The following FHIT variants were observed in gnomAD, a reference collection of about 807,000 sequenced individuals.
FHIT encodes fragile histidine triad diadenosine triphosphatase.
A neutral mutation model predicts 17.9 loss-of-function variants in FHIT; 19 were observed. That is an observed-to-expected ratio of 1.06 (90% CI 0.74 to 1.56). FHIT has a LOEUF of 1.56. FHIT is among the 40% of genes most tolerant of loss of function. The pLI is 0.00. For missense variants in FHIT, 248 were observed against 189.2 expected, an observed-to-expected ratio of 1.31 and a Z score of -1.82; for synonymous variants, 81 against 69.7, an observed-to-expected ratio of 1.16 and a Z score of -0.81.
chr3:60,636,445 T>TA (rs782238379), intron 4 of FHIT, among the ~76,000 whole-genome samples: 17 of 143,006 alleles, frequency 1.2e-4, no homozygotes, highest in African/African-American at 4.0e-4. Context: ...GTCCTACAGT[T>TA]AAAAAACAGT....
chr3:60,562,970 T>C (rs1302944876), intron 4 of FHIT, among the ~76,000 whole-genome samples: 1 of 152,196 alleles, frequency 6.6e-6, no homozygotes, highest in Admixed American at 6.5e-5. Flanking sequence ...CAGGCTGAAT[T>C]ATGAGTGAAA....
At chr3:60,490,994 G>C (rs146967647) in intron 5 of FHIT, among the ~76,000 whole-genome samples, 2 of 152,220 alleles carry the variant, frequency 1.3e-5, no homozygotes, top group Non-Finnish European at 2.9e-5. Flanking sequence ...ATAAAAGTAT[G>C]ATATGCTGAG....
chr3:59,939,940 C>A (rs556807444), intron 7 of FHIT, among the ~76,000 whole-genome samples: 56 of 152,256 alleles, frequency 3.7e-4, no homozygotes, highest in African/African-American at 1.2e-3. Flanking sequence ...GATTTCACAG[C>A]AAGCATAGCT....
chr3:60,168,727 C>T (rs575399102), intron 5 of FHIT, among the ~76,000 whole-genome samples: 26 of 152,128 alleles, frequency 1.7e-4, no homozygotes, highest in Non-Finnish European at 2.9e-4. Context: ...TCATGTCAGG[C>T]GATGGTATAT....
chr3:61,194,548 C>T (rs1361085147), intron 2 of FHIT, among the ~76,000 whole-genome samples: 1 of 152,084 alleles, frequency 6.6e-6, no homozygotes, highest in Non-Finnish European at 1.5e-5. Flanking sequence ...CAAAACATTC[C>T]AATAAAAGGC....
intron 8 of FHIT, among the ~76,000 whole-genome samples, chr3:59,874,672 TTTTTCA>T (rs1703073022): frequency 3.0e-5 from 1 of 32,892 alleles, no homozygotes; most frequent in Non-Finnish European, 8.0e-5. Flanking sequence ...AGGTTTTGTG[TTTTTCA>T]TTTTTTTTTT....
chr3:60,171,500 G>C (rs996710645), intron 5 of FHIT, among the ~76,000 whole-genome samples: 6 of 152,276 alleles, frequency 3.9e-5, no homozygotes, highest in Admixed American at 3.9e-4. Context: ...CCAACTGGAT[G>C]CTGAATTGCT....
At chr3:60,007,584 C>G (rs1699974107) in intron 7 of FHIT, among the ~76,000 whole-genome samples, 1 of 152,182 alleles carries the variant, frequency 6.6e-6, no homozygotes, top group South Asian at 2.1e-4. Context: ...GTTCATGGCT[C>G]AGACCCCTGT....
chr3:60,462,246 C>A (rs1485620444), intron 5 of FHIT, among the ~76,000 whole-genome samples: 1 of 152,194 alleles, frequency 6.6e-6, no homozygotes, highest in Non-Finnish European at 1.5e-5. Context: ...AATATCAACT[C>A]ATTTACTCTC....
chr3:61,179,650 G>T (rs1255467766), intron 2 of FHIT, among the ~76,000 whole-genome samples: 8 of 138,834 alleles, frequency 5.8e-5, no homozygotes, highest in Admixed American at 4.7e-4. Flanking sequence ...CAAGGCTGCT[G>T]TGAGCTATAA....
At chr3:61,180,645 G>A (rs2038310095) in intron 2 of FHIT, among the ~76,000 whole-genome samples, 1 of 152,198 alleles carries the variant, frequency 6.6e-6, no homozygotes, top group South Asian at 2.1e-4. Context: ...GCAGCTGTCT[G>A]AATAAAACTG....
At chr3:61,051,794 A>T (rs1336036867) in intron 2 of FHIT, among the ~76,000 whole-genome samples, 1 of 152,182 alleles carries the variant, frequency 6.6e-6, no homozygotes, top group Non-Finnish European at 1.5e-5. Flanking sequence ...AACTCTATCA[A>T]GAAGTTGTGT....
intron 5 of FHIT, among the ~76,000 whole-genome samples, chr3:60,120,289 A>G (rs1025997722): frequency 1.3e-5 from 2 of 152,216 alleles, no homozygotes; most frequent in African/African-American, 2.4e-5. Context: ...AGATCAGCAC[A>G]GTGCCTGCAC....
intron 8 of FHIT, among the ~76,000 whole-genome samples, chr3:59,772,075 T>A (rs1702098251): frequency 6.6e-6 from 1 of 152,168 alleles, no homozygotes; most frequent in Non-Finnish European, 1.5e-5. Context: ...ACAGTCCCCC[T>A]CCACAGTCAC....
At chr3:60,557,381 G>A (rs1014685322) in intron 4 of FHIT, among the ~76,000 whole-genome samples, 1 of 151,930 alleles carries the variant, frequency 6.6e-6, no homozygotes, top group African/African-American at 2.4e-5. Context: ...TGGTGGGTGA[G>A]CGGAGGAGGT....
intron 5 of FHIT, among the ~76,000 whole-genome samples, chr3:60,075,338 G>A (rs1039048121): frequency 6.6e-6 from 1 of 152,122 alleles, no homozygotes; most frequent in South Asian, 2.1e-4. Context: ...CAAGATCCAC[G>A]AATGTAAGCA....
At chr3:60,014,705 A>G (rs1700274861) in intron 5 of FHIT, among the ~76,000 whole-genome samples, 2 of 152,258 alleles carry the variant, frequency 1.3e-5, no homozygotes, top group Admixed American at 6.5e-5. Flanking sequence ...AACTTTATCC[A>G]TAACTAAGAG....
At chr3:61,037,774 G>A (rs1272473989) in intron 3 of FHIT, among the ~76,000 whole-genome samples, 1 of 152,200 alleles carries the variant, frequency 6.6e-6, no homozygotes, top group African/African-American at 2.4e-5. Flanking sequence ...GACTCATCAA[G>A]TAGGCCTTTG....
chr3:60,761,618 CTTT>C (rs71629113), intron 4 of FHIT, among the ~76,000 whole-genome samples: 4 of 128,682 alleles, frequency 3.1e-5, no homozygotes, highest in Non-Finnish European at 5.0e-5. Context: ...TCTTCCATGT[CTTT>C]TTTTTTTTTT....
Sources: gnomAD v4.1 joint callset for allele counts (sites outside exome capture counted in the v4.1 genomes callset) on GRCh38, gnomAD v4.1.1 for gene constraint, MANE v1.5 for transcripts, NCBI Gene and HGNC (gene_info 2026-07-23, HGNC 2026-07-21) for gene names.